The following PPP1R1C variants were observed in gnomAD, a reference collection of about 807,000 sequenced individuals.
PPP1R1C encodes the protein protein phosphatase 1 regulatory subunit 1C.
Under a neutral mutation model 17.4 loss-of-function variants are expected in PPP1R1C, and 15 were observed. That is an observed-to-expected ratio of 0.86 (90% CI 0.58 to 1.33). The LOEUF is 1.33. Ranked by LOEUF, PPP1R1C falls within the 40% of genes most tolerant of loss-of-function variation. PPP1R1C has a pLI of 0.00. For synonymous variants in PPP1R1C, 35 were observed against 43.1 expected (o/e 0.81, Z 0.73); for missense variants, 143 against 130.0 (o/e 1.10, Z -0.48).
intron 2 of PPP1R1C, among the ~76,000 whole-genome samples, chr2:182,054,881 G>A (rs1331462566): frequency 2.0e-5 from 3 of 151,942 alleles, no homozygotes; most frequent in South Asian, 2.1e-4. Context: ...GGCTGGTCTC[G>A]AACTCCTGAC....
intron 2 of PPP1R1C, among the ~76,000 whole-genome samples, chr2:182,030,263 C>A (rs1024104988): frequency 2.0e-5 from 3 of 152,236 alleles, no homozygotes; most frequent in African/African-American, 4.8e-5. Flanking sequence ...TGAAGAACTG[C>A]GTTCCTTTGG....
intron 1 of PPP1R1C, among the ~76,000 whole-genome samples, chr2:181,959,019 A>C (rs1279662246): frequency 6.6e-6 from 1 of 152,240 alleles, no homozygotes. Flanking sequence ...CATAGACTAC[A>C]CATATGTTAA....
At chr2:181,993,656 C>A (rs926347867) in intron 2 of PPP1R1C, among the ~76,000 whole-genome samples, 2 of 152,084 alleles carry the variant, frequency 1.3e-5, no homozygotes, top group Non-Finnish European at 2.9e-5. Context: ...TTTCCCTCAG[C>A]ATTTATTTTT....
At chr2:182,062,983 G>T (rs1211316194) in intron 3 of PPP1R1C, among the ~76,000 whole-genome samples, 1 of 151,990 alleles carries the variant, frequency 6.6e-6, no homozygotes, top group East Asian at 1.9e-4. Context: ...TTTTCCGATT[G>T]GGGGTTAGAC....
In PPP1R1C at chr2:182,019,490, A is replaced by G. The variant is rs1686353746; in HGVS notation, c.142+31591A>G. Among the ~76,000 whole-genome samples the G allele has an allele frequency of 2.0e-5, 3 of 152,320 alleles. No homozygotes were observed. In the South Asian group the frequency reaches 6.2e-4, roughly 32 times the overall value. On this transcript the variant is annotated intron_variant, in intron 2 of 4. Coordinates refer to ENST00000682840, the MANE Select transcript of PPP1R1C (RefSeq NM_001080545.3). Reference sequence around the variant, plus strand: ...TCAGCTCTGAGCCTGCTGATGATACAATGGTACTATGCTGTTTGTTCAAAA... The same window carrying G: ...TCAGCTCTGAGCCTGCTGATGATACGATGGTACTATGCTGTTTGTTCAAAA...
chr2:182,075,622 A>G (rs1688276245), intron 4 of PPP1R1C, among the ~76,000 whole-genome samples: 1 of 152,194 alleles, frequency 6.6e-6, no homozygotes, highest in East Asian at 1.9e-4. Flanking sequence ...GATCAAAACA[A>G]TGATTCAGTC....
chr2:181,990,315 A>ATT (rs55860045), intron 2 of PPP1R1C, among the ~76,000 whole-genome samples: 14,521 of 147,386 alleles, frequency 0.099, 805 homozygotes, highest in African/African-American at 0.15. Context: ...ATTTTTTTGT[A>ATT]TTTTTTTTTT....
chr2:182,073,388 T>C (rs79280300), intron 4 of PPP1R1C, among the ~76,000 whole-genome samples: 2 of 152,326 alleles, frequency 1.3e-5, no homozygotes, highest in East Asian at 3.9e-4. Flanking sequence ...TAAGCATCAT[T>C]GGCTTAATTT....
intron 2 of PPP1R1C, among the ~76,000 whole-genome samples, chr2:182,031,241 A>G (rs1334995306): frequency 3.3e-5 from 5 of 152,168 alleles, no homozygotes; most frequent in East Asian, 1.9e-4. Context: ...TCCTCCCCCT[A>G]TATTCTTCTA....
At chr2:181,966,212 C>T (rs1050623269) in intron 1 of PPP1R1C, among the ~76,000 whole-genome samples, 2 of 152,076 alleles carry the variant, frequency 1.3e-5, no homozygotes, top group Non-Finnish European at 2.9e-5. Context: ...TTGGTGGAGG[C>T]TTTAGGTTTT....
chr2:182,123,252 T>C (rs890828582), intron 5 of PPP1R1C, among the ~76,000 whole-genome samples: 7 of 152,232 alleles, frequency 4.6e-5, no homozygotes, highest in Admixed American at 3.3e-4. Flanking sequence ...CAGTCAATCA[T>C]TGATGGACAT....
intron 5 of PPP1R1C, among the ~76,000 whole-genome samples, chr2:182,124,998 G>T (rs1689840406): frequency 6.6e-6 from 1 of 151,922 alleles, no homozygotes. Flanking sequence ...GGGAATGGTA[G>T]AATTTTGCCC....
At chr2:181,986,902 G>A (rs1685314554) in intron 1 of PPP1R1C, among the ~76,000 whole-genome samples, 1 of 152,160 alleles carries the variant, frequency 6.6e-6, no homozygotes, top group Non-Finnish European at 1.5e-5. Context: ...AATTTATGAG[G>A]ACATCAACCT....
intron 4 of PPP1R1C, among the ~76,000 whole-genome samples, chr2:182,089,301 A>G (rs1688716454): frequency 6.6e-6 from 1 of 152,218 alleles, no homozygotes; most frequent in African/African-American, 2.4e-5. Context: ...CCAAATCCTT[A>G]AAGACCACCC....
intron 2 of PPP1R1C, among the ~76,000 whole-genome samples, chr2:182,006,389 G>A (rs1223142048): frequency 6.6e-6 from 1 of 152,102 alleles, no homozygotes; most frequent in African/African-American, 2.4e-5. Flanking sequence ...GACTAAATGT[G>A]GATTTAAAGT....
Position 181,961,888 on chromosome 2 carries a change from G to A in PPP1R1C, n.111+7254G>A, listed in dbSNP as rs1574339866. 2.5e-6 allele frequency: 2 copies of A among 785,318 alleles called. No homozygotes were observed. The highest frequency in any genetic ancestry group is 2.5e-5 in the East Asian group (1 of 39,492). 48.6% of individuals were successfully genotyped at this position (785,318 alleles called of 1,614,324 possible). On this transcript the variant is annotated intron_variant and non_coding_transcript_variant, in intron 1 of 5. Transcript: ENST00000464264. The surrounding 1 kb of genome is among the most constrained non-coding windows in gnomAD (Gnocchi z 5.8). ...GAGAGCCTCCATCTCTGTCTCCAGT[G>A]GCAGCCAAGTGACATTGGTCATCAG...
rs1260212015 is a variant in PPP1R1C at position 181,957,367 on chromosome 2, GAA to G, written n.111+2739_111+2740del. Among the ~76,000 whole-genome samples, 1 of 151,818 alleles carries G rather than the reference GAA, an allele frequency of 6.6e-6. No homozygotes were observed. The highest frequency in any genetic ancestry group is 1.5e-5 in the Non-Finnish European group (1 of 67,942). ...GTGAGACTCTGTCTTAAAAAGAGAA[GAA>G]AAAAATTGTGCTAACTCTTATCAAG... On this transcript the variant is annotated intron_variant and non_coding_transcript_variant, in intron 1 of 5. Transcript: ENST00000464264. The surrounding 1 kb of genome is among the most constrained non-coding windows in gnomAD (Gnocchi z 4.2).
Position 181,957,134 on chromosome 2 carries a change from C to T in PPP1R1C, n.111+2500C>T, listed in dbSNP as rs911764805. 1.4e-4 allele frequency among the ~76,000 whole-genome samples: 22 copies of T among 152,136 alleles called. 1 individual carries two copies. The highest frequency in any genetic ancestry group is 3.4e-3 in the Middle Eastern group (1 of 294). Reference sequence around the variant, plus strand: ...CACCACTTTGGGAGGCTGAGGTGGGCGGATTATCTGAGGTCAGGAGTTCGA... The same window carrying T: ...CACCACTTTGGGAGGCTGAGGTGGGTGGATTATCTGAGGTCAGGAGTTCGA... On this transcript the variant is annotated intron_variant and non_coding_transcript_variant, in intron 1 of 5. Coordinates refer to the PPP1R1C transcript ENST00000464264. The surrounding 1 kb of genome is among the most constrained non-coding windows in gnomAD (Gnocchi z 4.2).
At chr2:182,093,230 G>T (rs931864445) in intron 4 of PPP1R1C, among the ~76,000 whole-genome samples, 1 of 152,158 alleles carries the variant, frequency 6.6e-6, no homozygotes, top group Non-Finnish European at 1.5e-5. Context: ...ACCCTCTGAA[G>T]CCACAGCCTG....
Sources: allele counts gnomAD v4.1 joint callset (sites outside exome capture counted in the v4.1 genomes callset), GRCh38; gene constraint gnomAD v4.1.1; non-coding constraint Gnocchi (gnomAD v3.1); transcripts MANE v1.5; gene names NCBI Gene and HGNC (gene_info 2026-07-23, HGNC 2026-07-21).